The following CDHR2 variants were observed in gnomAD, a reference collection of about 807,000 sequenced individuals.
The protein encoded by CDHR2 is cadherin related family member 2.
Under a neutral mutation model 138.6 loss-of-function variants are expected in CDHR2, and 104 were observed. The observed-to-expected ratio is 0.75, with a 90% CI of 0.64 to 0.88. CDHR2 has a LOEUF of 0.88. Ranked by LOEUF, CDHR2 falls within the 40% of genes least tolerant of loss-of-function variation. The pLI is 0.00. For synonymous variants in CDHR2, 755 were observed against 742.8 expected (o/e 1.02, Z -0.27); for missense variants, 1,624 against 1,727.6 (o/e 0.94, Z 1.06).
In CDHR2 at chr5:176,591,955, A is replaced by C. The variant is rs62646217; in HGVS notation, c.3734+471A>C. ...GGTGATGGTGGTGATGATGGTGATG[A>C]TGACGGTGGTGGTGGTGGTGGTGTT... On this transcript the variant is annotated intron_variant, in intron 30 of 31. Coordinates refer to ENST00000261944, the MANE Select transcript of CDHR2 (RefSeq NM_017675.6). 1.2e-4 allele frequency among the ~76,000 whole-genome samples: 2 copies of C among 17,006 alleles called. 1 individual carries two copies. Among genetic ancestry groups the C allele is most frequent in the East Asian group, 1.6e-3 (2 of 1,232 alleles). 11.2% of individuals were successfully genotyped at this position (17,006 alleles called of 152,430 possible).
At chr5:176,561,782 G>A (rs1465684825) in intron 1 of CDHR2, among the ~76,000 whole-genome samples, 1 of 151,998 alleles carries the variant, frequency 6.6e-6, no homozygotes, top group Non-Finnish European at 1.5e-5. Context: ...TGGGACTACA[G>A]GCATGTGCCA....
At chr5:176,555,133 C>T (rs1757793139) in intron 1 of CDHR2, among the ~76,000 whole-genome samples, 1 of 152,240 alleles carries the variant, frequency 6.6e-6, no homozygotes, top group South Asian at 2.1e-4. Context: ...ACGGTCACTT[C>T]CAGCTTCCCA....
At chr5:176,575,693 G>C (rs986551541) in intron 10 of CDHR2, 31 bp from the exon 11 acceptor site, 3 of 1,591,644 alleles carry the variant, frequency 1.9e-6, no homozygotes, top group Admixed American at 1.8e-5. Context: ...TGGAGCAGCT[G>C]TTCCAGCTGT....
chr5:176,595,701 G>A lies in CDHR2; in HGVS notation c.*29G>A. ...GGGCCCCCACTCTTCTGGACCCCTT[G>A]AAGAGGCCCTACCACACCCTAACTG... On this transcript the variant is annotated 3_prime_UTR_variant, in exon 32 of 32. Coordinates refer to ENST00000261944, the MANE Select transcript of CDHR2 (RefSeq NM_017675.6). The A allele has an allele frequency of 1.3e-6, 2 of 1,529,462 alleles. No homozygotes were observed. Among genetic ancestry groups the A allele is most frequent in the Non-Finnish European group, 1.8e-6 (2 of 1,134,684 alleles). The allele number at this position is 1,529,462 out of a possible 1,614,324, so 94.7% of individuals were successfully genotyped here. A position where few individuals can be genotyped will look rare whatever the true frequency, so the allele number is the denominator to read the frequency against.
intron 15 of CDHR2, 51 bp from the exon 16 acceptor site, chr5:176,578,314 T>C (rs1224540239): frequency 2.0e-6 from 3 of 1,538,294 alleles, no homozygotes; most frequent in Non-Finnish European, 2.7e-6. Context: ...AAATTCACAC[T>C]GAAATGGGCA....
intron 28 of CDHR2, among the ~76,000 whole-genome samples, chr5:176,590,889 G>A (rs1165111259): frequency 6.6e-6 from 1 of 152,156 alleles, no homozygotes; most frequent in African/African-American, 2.4e-5. Flanking sequence ...CATGAGACTT[G>A]ATTCCTCAGT....
chr5:176,584,453 G>A lies in CDHR2; in HGVS notation c.2172G>A (p.Thr724=), dbSNP rs576263638. The A allele has an allele frequency of 2.0e-5, 32 of 1,606,512 alleles. No individual in the cohort carries two copies. The highest frequency in any genetic ancestry group is 1.7e-4 in the Middle Eastern group (1 of 6,020). ...TGAAGGCCTGGGACGCGGACCAGAC[G>A]GAAGCCAACAACCGCATCAGCTTCA... ...GVVKAWDADQ[T]EANNRISFSL... The change falls in exon 19 of 32, where the codon ACG becomes ACA. Residue 724 remains threonine, a synonymous_variant. Transcript: ENST00000261944.
In CDHR2 at chr5:176,543,237, C is replaced by A. The variant is rs1757498741; in HGVS notation, c.-16+468C>A. On this transcript the variant is annotated intron_variant, in intron 1 of 31. Coordinates refer to the CDHR2 transcript ENST00000510636. The surrounding 1 kb of genome is among the most constrained non-coding windows in gnomAD (Gnocchi z 4.0). ...CCGGCCCTGCGCCCGGGGCGCTCGG[C>A]GCAGGGTCCGGGCCCGGCGTTACCT... Among the ~76,000 whole-genome samples the A allele has an allele frequency of 6.8e-6, 1 of 147,040 alleles. No homozygotes were observed. Among genetic ancestry groups the A allele is most frequent in the Non-Finnish European group, 1.5e-5 (1 of 66,058 alleles).
chr5:176,576,211 C>A lies in CDHR2; in HGVS notation c.1194+26C>A, dbSNP rs751111245. On this transcript the variant is annotated intron_variant, in intron 12 of 31. Coordinates refer to ENST00000261944, the MANE Select transcript of CDHR2 (RefSeq NM_017675.6). The surrounding 1 kb of genome is among the most constrained non-coding windows in gnomAD (Gnocchi z 4.5). Reference sequence around the variant, plus strand: ...GCAGGCGTGGTGGCGTGGGTGTGGGCGGGGGTGGCTGGGGGAGGCCAGTGG... The same window carrying A: ...GCAGGCGTGGTGGCGTGGGTGTGGGAGGGGGTGGCTGGGGGAGGCCAGTGG... 1 of 689,370 alleles carries A rather than the reference C, an allele frequency of 1.5e-6. No individual in the cohort carries two copies. The highest frequency in any genetic ancestry group is 1.4e-5 in the South Asian group (1 of 72,596). The allele number at this position is 689,370 out of a possible 1,614,324, so 42.7% of individuals were successfully genotyped here.
chr5:176,559,263 A>G (rs1481666101), intron 1 of CDHR2, among the ~76,000 whole-genome samples: 1 of 152,216 alleles, frequency 6.6e-6, no homozygotes, highest in East Asian at 1.9e-4. Flanking sequence ...TCCCTTCTCA[A>G]TAGAAGGAAT....
chr5:176,572,069 C>T (rs1758247886), intron 6 of CDHR2, among the ~76,000 whole-genome samples: 1 of 152,008 alleles, frequency 6.6e-6, no homozygotes, highest in Non-Finnish European at 1.5e-5. Flanking sequence ...GGAAGAGAGG[C>T]AAGTCTCTCA....
chr5:176,561,493 G>A (rs577151961), intron 1 of CDHR2, among the ~76,000 whole-genome samples: 84 of 152,286 alleles, frequency 5.5e-4, no homozygotes, highest in African/African-American at 1.9e-3. Context: ...GGCCTGGTGG[G>A]AGAGGCTCAT....
Position 176,578,074 on chromosome 5 carries a change from A to G in CDHR2, c.1553A>G (p.Tyr518Cys). 6.2e-7 allele frequency: 1 copy of G among 1,612,888 alleles called. No individual in the cohort carries two copies. Among genetic ancestry groups the G allele is most frequent in the Non-Finnish European group, 8.5e-7 (1 of 1,179,110 alleles). Reference protein sequence around the residue: ...PDTGAWGQITYSLLPGNGADL... With the variant: ...PDTGAWGQITCSLLPGNGADL... ...ACGGGCGCGTGGGGCCAAATTACCT[A>G]CAGCCTGCTCCCAGGAAATGGGTAA... The change falls in exon 15 of 32, where the codon TAC becomes TGC. Residue 518 changes from tyrosine (Y) to cysteine (C), a missense_variant. Coordinates refer to ENST00000261944, the MANE Select transcript of CDHR2 (RefSeq NM_017675.6).
At chr5:176,580,142 G>GCACTCACACACGCACTCACACACA (rs1561876649) in intron 16 of CDHR2, among the ~76,000 whole-genome samples, 1 of 150,046 alleles carries the variant, frequency 6.7e-6, no homozygotes, top group Non-Finnish European at 1.5e-5. Context: ...ACTCACACAC[G>GCACTCACACACGCACTCACACACA]CACTCACACA....
chr5:176,558,211 CTTA>C (rs1554141241), intron 1 of CDHR2, among the ~76,000 whole-genome samples: 1 of 57,622 alleles, frequency 1.7e-5, no homozygotes, highest in Non-Finnish European at 3.3e-5. Flanking sequence ...GTTTTCTTTT[CTTA>C]TTTTTTTTTT....
At chr5:176,558,779 C>G (rs1757901335) in intron 1 of CDHR2, among the ~76,000 whole-genome samples, 1 of 152,220 alleles carries the variant, frequency 6.6e-6, no homozygotes, top group Non-Finnish European at 1.5e-5. Flanking sequence ...CTCGGCCTCC[C>G]AAAGTGCTGG....
intron 3 of CDHR2, among the ~76,000 whole-genome samples, chr5:176,568,271 A>G (rs1758128069): frequency 1.3e-5 from 2 of 152,220 alleles, no homozygotes; most frequent in Admixed American, 1.3e-4. Context: ...CAGACTGGAC[A>G]CAGCTTTGGC....
intron 15 of CDHR2, 94 bp downstream of exon 15, chr5:176,578,189 C>A: frequency 7.7e-7 from 1 of 1,304,448 alleles, no homozygotes; most frequent in Non-Finnish European, 1.1e-6. Context: ...TGGGGAAGAC[C>A]GAAGGCACTC....
intron 1 of CDHR2, among the ~76,000 whole-genome samples, chr5:176,560,174 A>C (rs1757933699): frequency 6.6e-6 from 1 of 152,208 alleles, no homozygotes; most frequent in Non-Finnish European, 1.5e-5. Flanking sequence ...AGGCGGGCAG[A>C]TTGCCTGAGG....
Sources: gnomAD v4.1 joint callset for allele counts (sites outside exome capture counted in the v4.1 genomes callset) on GRCh38, gnomAD v4.1.1 for gene constraint, Gnocchi (gnomAD v3.1) non-coding constraint, MANE v1.5 for transcripts, NCBI Gene and HGNC (gene_info 2026-07-23, HGNC 2026-07-21) for gene names.